PRKCB: variants seen among roughly 807,000 people sequenced by gnomAD.
PRKCB encodes protein kinase C beta.
In PRKCB, 13 loss-of-function variants were observed where a neutral mutation model predicts 81.5. That is an observed-to-expected ratio of 0.16 (90% CI 0.10 to 0.25). PRKCB has a LOEUF of 0.25. Among genes scored for constraint, PRKCB ranks in the 10% least tolerant of loss-of-function variants. The probability of loss-of-function intolerance (pLI) is 1.00; values close to 1 mark genes in which losing one functional copy is unlikely to be tolerated. For missense variants in PRKCB, 509 were observed against 875.7 expected (o/e 0.58, Z 5.29); for synonymous variants, 335 against 321.4 (o/e 1.04, Z -0.45).
At chr16:24,163,384 G>T (rs1362680183) in intron 10 of PRKCB, among the ~76,000 whole-genome samples, 1 of 152,208 alleles carries the variant, frequency 6.6e-6, no homozygotes. Flanking sequence ...AGCCATCCAA[G>T]GATCTTGAGT....
intron 16 of PRKCB, among the ~76,000 whole-genome samples, chr16:24,196,207 G>A (rs539781792): frequency 1.8e-3 from 268 of 152,286 alleles, no homozygotes; most frequent in Middle Eastern, 0.01. Context: ...GCACATTATA[G>A]GTGCTCAGGA....
intron 5 of PRKCB, among the ~76,000 whole-genome samples, chr16:24,038,125 T>C (rs911957755): frequency 9.2e-5 from 14 of 152,128 alleles, no homozygotes; most frequent in Admixed American, 5.2e-4. Context: ...GAGGTTGCAG[T>C]GAGCTGAGAT....
chr16:24,180,843 C>T lies in PRKCB; in HGVS notation c.1448C>T (p.Ala483Val), dbSNP rs868580158. The change falls in exon 13 of 17, where the codon GCC (alanine) becomes GTC (valine). Residue 483 changes from alanine (A) to valine (V), a missense_variant. This residue lies in a region of PRKCB where 106 missense variants were observed against 214.0 expected (regional missense o/e 0.50). Transcript: ENST00000643927. ...MLDSEGHIKIADFGMCKENIW... is the reference protein window; with the variant it reads ...MLDSEGHIKIVDFGMCKENIW... Reference sequence around the variant, plus strand: ...GATTCTGAGGGACACATCAAGATTGCCGATTTTGGCATGTGTAAGGAAAAC... The same window carrying T: ...GATTCTGAGGGACACATCAAGATTGTCGATTTTGGCATGTGTAAGGAAAAC... 1 of 1,614,186 alleles carries T rather than the reference C, an allele frequency of 6.2e-7. No homozygotes were observed. The highest frequency in any genetic ancestry group is 2.2e-5 in the East Asian group (1 of 44,888).
At position 23,837,278 on chromosome 16, in the gene PRKCB, T is replaced by C. The variant is rs1050657034; in HGVS notation, c.174-97T>C. 4.7e-6 allele frequency: 7 copies of C among 1,483,288 alleles called. No homozygotes were observed. In the Admixed American group the frequency reaches 1.0e-4, roughly 21 times the overall value. 91.9% of individuals were successfully genotyped at this position (1,483,288 alleles called of 1,614,324 possible). A position where few individuals can be genotyped will look rare whatever the true frequency, so the allele number is the denominator to read the frequency against. On this transcript the variant is annotated intron_variant, in intron 1 of 16. Transcript: ENST00000643927. ...TGTGGCTGGGAGTTTGCACCTGGGG[T>C]ACAGAGGCAGGGAGGAAGGCGGGTG...
chr16:23,882,397 G>A (rs1260131611), intron 2 of PRKCB, among the ~76,000 whole-genome samples: 2 of 150,840 alleles, frequency 1.3e-5, no homozygotes, highest in Non-Finnish European at 3.0e-5. Flanking sequence ...TTTTTTTCTT[G>A]ATTTTTAATA....
rs576517644 is a variant in PRKCB, at chr16:24,158,524, A to G, written c.1239+3667A>G. On this transcript the variant is annotated intron_variant, in intron 10 of 16. Transcript: ENST00000643927. ...GCTATGCTCTGAGATCTTTTTAAAAAAACATGTATATGTATAAGTATATGT... is the reference window on the plus strand; with the variant it reads ...GCTATGCTCTGAGATCTTTTTAAAAGAACATGTATATGTATAAGTATATGT... Among the ~76,000 whole-genome samples the G allele has an allele frequency of 2.6e-5, 3 of 116,984 alleles. No individual in the cohort carries two copies. The East Asian group carries it at 8.3e-4, about 32-fold the overall frequency. 76.7% of individuals were successfully genotyped at this position (116,984 alleles called of 152,430 possible).
At position 24,219,655 on chromosome 16, in the gene PRKCB, A is replaced by AC. The variant is rs879197262; in HGVS notation, c.*4839_*4840insC. On this transcript the variant is annotated 3_prime_UTR_variant, in exon 17 of 17. Coordinates refer to ENST00000643927, the MANE Select transcript of PRKCB (RefSeq NM_002738.7). Reference sequence around the variant, plus strand: ...ATCCTAAAGCCAAAGAAAATACAGCAACACACACACACACACACACACACA... The same window carrying AC: ...ATCCTAAAGCCAAAGAAAATACAGCACACACACACACACACACACACACACA... 1 of 573,242 alleles carries AC rather than the reference A, an allele frequency of 1.7e-6. No individual in the cohort carries two copies. Among genetic ancestry groups the AC allele is most frequent in the East Asian group, 1.1e-4 (1 of 8,816 alleles). The allele number at this position is 573,242 out of a possible 1,614,324, so 35.5% of individuals were successfully genotyped here. A position where few individuals can be genotyped will look rare whatever the true frequency, so the allele number is the denominator to read the frequency against.
At chr16:24,046,714 G>C (rs577756214) in intron 5 of PRKCB, among the ~76,000 whole-genome samples, 1 of 152,250 alleles carries the variant, frequency 6.6e-6, no homozygotes, top group South Asian at 2.1e-4. Flanking sequence ...GGTGGGTGAC[G>C]CTGGAGGAAA....
At chr16:24,181,488 C>T (rs748590451) in intron 13 of PRKCB, among the ~76,000 whole-genome samples, 1 of 152,044 alleles carries the variant, frequency 6.6e-6, no homozygotes, top group Non-Finnish European at 1.5e-5. Context: ...AATACAAGGC[C>T]AGGTGTGGCA....
chr16:24,111,901 G>T (rs74606419), intron 7 of PRKCB, among the ~76,000 whole-genome samples: 1 of 152,062 alleles, frequency 6.6e-6, no homozygotes, highest in African/African-American at 2.4e-5. Flanking sequence ...TTTTACATGC[G>T]TCATTACATT....
At chr16:24,041,168 G>C (rs1410369215) in intron 5 of PRKCB, among the ~76,000 whole-genome samples, 1 of 151,774 alleles carries the variant, frequency 6.6e-6, no homozygotes, top group African/African-American at 2.4e-5. Context: ...TCCTGCCTCA[G>C]CCTCCCGAGT....
chr16:23,977,573 C>T (rs1022670542), intron 2 of PRKCB, among the ~76,000 whole-genome samples: 3 of 152,216 alleles, frequency 2.0e-5, no homozygotes, highest in East Asian at 1.9e-4. Context: ...TATCTCAGTC[C>T]GTACCTACAG....
chr16:24,054,906 C>T (rs1464869927), intron 5 of PRKCB, among the ~76,000 whole-genome samples: 2 of 152,218 alleles, frequency 1.3e-5, no homozygotes, highest in African/African-American at 4.8e-5. Context: ...CTGTCTGCAT[C>T]ACTGTGGTCT....
chr16:23,861,754 G>T (rs147187973), intron 2 of PRKCB, among the ~76,000 whole-genome samples: 9 of 152,316 alleles, frequency 5.9e-5, no homozygotes, highest in African/African-American at 1.4e-4. Flanking sequence ...AGCTGTGGCA[G>T]CTATGTTTTG....
intron 2 of PRKCB, among the ~76,000 whole-genome samples, chr16:23,985,071 T>C (rs1964785241): frequency 6.6e-6 from 1 of 152,152 alleles, no homozygotes; most frequent in Non-Finnish European, 1.5e-5. Context: ...AATCTATTGC[T>C]TTCCTATTGT....
At chr16:23,938,861 C>A (rs1447776521) in intron 2 of PRKCB, among the ~76,000 whole-genome samples, 1 of 152,088 alleles carries the variant, frequency 6.6e-6, no homozygotes, top group Non-Finnish European at 1.5e-5. Context: ...TTGGTCCTTA[C>A]CATTGCAATA....
At chr16:24,189,929 C>CT (rs916073451) in intron 15 of PRKCB, among the ~76,000 whole-genome samples, 27 of 151,368 alleles carry the variant, frequency 1.8e-4, no homozygotes, top group Non-Finnish European at 8.8e-5. Flanking sequence ...ATGCTTCTTT[C>CT]TTTTTTTTTA....
intron 13 of PRKCB, among the ~76,000 whole-genome samples, chr16:24,182,872 C>CG (rs1567404785): frequency 0.062 from 2,435 of 39,170 alleles, 77 homozygotes; most frequent in African/African-American, 0.36. Flanking sequence ...CACATTGTTT[C>CG]TTGTGTGTGT....
intron 2 of PRKCB, among the ~76,000 whole-genome samples, chr16:23,882,038 C>CTTCCTTCCTTCCTTCCTTCCTTCT (rs1963130294): frequency 1.8e-5 from 1 of 54,122 alleles, no homozygotes; most frequent in African/African-American, 4.7e-5. Flanking sequence ...TCCTTCCTTC[C>CTTCCTTCCTTCCTTCCTTCCTTCT]TTCCTTCCTT....
Sources: allele counts gnomAD v4.1 joint callset (sites outside exome capture counted in the v4.1 genomes callset), GRCh38; gene constraint gnomAD v4.1.1; regional missense constraint gnomAD v4.1.1; transcripts MANE v1.5; gene names NCBI Gene and HGNC (gene_info 2026-07-23, HGNC 2026-07-21).